CACNG2: variants seen among roughly 807,000 people sequenced by gnomAD.
CACNG2 encodes the protein calcium voltage-gated channel auxiliary subunit gamma 2, also known as voltage-dependent calcium channel gamma-2 subunit.
In CACNG2, 3 loss-of-function variants were observed where a neutral mutation model predicts 25.9. The observed-to-expected ratio is 0.12, with a 90% confidence interval of 0.05 to 0.30. The LOEUF (loss-of-function observed/expected upper bound fraction) is 0.30. Among genes scored for constraint, CACNG2 ranks in the 10% least tolerant of loss-of-function variants. The pLI is 1.00. For synonymous variants in CACNG2, 167 were observed against 173.3 expected (o/e 0.96, Z 0.29); for missense variants, 341 against 432.5 (o/e 0.79, Z 1.88).
chr22:36,564,218 GT>G lies in CACNG2; in HGVS notation c.*132del, dbSNP rs1300223468. On this transcript the variant is annotated 3_prime_UTR_variant, in exon 4 of 4. Coordinates refer to ENST00000300105, the MANE Select transcript of CACNG2 (RefSeq NM_006078.5). This position sits in a 1 kb window ranked among gnomAD's most constrained non-coding sequence, Gnocchi z 6.7. ...GTGTGTGTGTGTTTTTTTGTTTTTTGTTTTTTTGTTTTTTTTGTTTTTTGTT... is the reference window on the plus strand; with the variant it reads ...GTGTGTGTGTGTTTTTTTGTTTTTTGTTTTTTGTTTTTTTTGTTTTTTGTT... 5.5e-6 allele frequency: 4 copies of G among 731,872 alleles called. No homozygotes were observed. Among genetic ancestry groups the G allele is most frequent in the Admixed American group, 3.7e-5 (1 of 27,374 alleles). The allele number at this position is 731,872 out of a possible 1,614,324, so 45.3% of individuals were successfully genotyped here.
chr22:36,605,153 C>A (rs1935812098), intron 1 of CACNG2, among the ~76,000 whole-genome samples: 1 of 152,080 alleles, frequency 6.6e-6, no homozygotes, highest in African/African-American at 2.4e-5. Context: ...CAGCTCACTG[C>A]AACCTCTGTC....
At chr22:36,698,723 CA>C (rs1352460716) in intron 1 of CACNG2, among the ~76,000 whole-genome samples, 1 of 152,106 alleles carries the variant, frequency 6.6e-6, no homozygotes, top group Non-Finnish European at 1.5e-5. Flanking sequence ...ACAGCCTGGA[CA>C]GAGAGTAAGA....
At chr22:36,631,583 A>G (rs8135364) in intron 1 of CACNG2, among the ~76,000 whole-genome samples, 3,805 of 152,214 alleles carry the variant, frequency 0.025, 147 homozygotes, top group African/African-American at 0.085. Flanking sequence ...CTGAGAAAGT[A>G]TCTTCCTTGT....
intron 3 of CACNG2, among the ~76,000 whole-genome samples, chr22:36,565,631 C>G (rs1178794244): frequency 6.6e-6 from 1 of 152,092 alleles, no homozygotes; most frequent in Non-Finnish European, 1.5e-5. Context: ...TATGCGTCAC[C>G]ATGCCCAGCT....
intron 1 of CACNG2, among the ~76,000 whole-genome samples, chr22:36,589,456 C>T (rs1935554143): frequency 6.6e-6 from 1 of 152,168 alleles, no homozygotes; most frequent in Non-Finnish European, 1.5e-5. Context: ...TACTTACGTA[C>T]TACGTAGGAA....
chr22:36,663,865 CTG>C (rs1936835828), intron 1 of CACNG2, among the ~76,000 whole-genome samples: 4 of 152,282 alleles, frequency 2.6e-5, no homozygotes, highest in African/African-American at 9.6e-5. Context: ...TCACATGGGC[CTG>C]TTTCTAACCA....
intron 3 of CACNG2, among the ~76,000 whole-genome samples, chr22:36,565,483 CTT>C (rs879526769): frequency 4.9e-5 from 7 of 141,774 alleles, no homozygotes; most frequent in African/African-American, 5.2e-5. Flanking sequence ...TTGGTGGTTC[CTT>C]TTTTTTTTTT....
Position 36,566,347 on chromosome 22 carries a change from T to C in CACNG2, c.436+6A>G, listed in dbSNP as rs774667436. 9 of 1,613,898 alleles carry C rather than the reference T, an allele frequency of 5.6e-6. No homozygotes were observed. The Admixed American group carries it at 1.2e-4, about 21-fold the overall frequency. On this transcript the variant is annotated splice_donor_region_variant and intron_variant, in intron 3 of 3. Coordinates refer to ENST00000300105, the MANE Select transcript of CACNG2 (RefSeq NM_006078.5). ...CCAGTGGCAGGACTGGATCAGTGGC[T>C]GTTACCTGCAGACACGAAGAAGATG...
At chr22:36,635,283 C>CAAA (rs138390510) in intron 1 of CACNG2, among the ~76,000 whole-genome samples, 1 of 67,620 alleles carries the variant, frequency 1.5e-5, no homozygotes, top group African/African-American at 3.9e-5. Context: ...GACCCCGTCT[C>CAAA]AAAAAAAAAA....
chr22:36,599,630 G>T (rs539820959), intron 1 of CACNG2, among the ~76,000 whole-genome samples: 1 of 152,272 alleles, frequency 6.6e-6, no homozygotes, highest in East Asian at 1.9e-4. Flanking sequence ...AGCCTGGGAG[G>T]TTGAGGCTGC....
intron 1 of CACNG2, among the ~76,000 whole-genome samples, chr22:36,679,207 T>TTTCTTTCTTTCTTTCC (rs1937061716): frequency 6.8e-6 from 1 of 146,138 alleles, no homozygotes; most frequent in Admixed American, 6.7e-5. Context: ...CCTTTCTTTC[T>TTTCTTTCTTTCTTTCC]TTCTTTCTTT....
At chr22:36,619,940 G>A (rs531427450) in intron 1 of CACNG2, among the ~76,000 whole-genome samples, 14 of 152,232 alleles carry the variant, frequency 9.2e-5, no homozygotes, top group Non-Finnish European at 1.5e-4. Context: ...TGGGGTCATC[G>A]CTTTGTGTAA....
Position 36,628,729 on chromosome 22 carries a change from T to A in CACNG2, c.212-41181A>T, listed in dbSNP as rs183484974. ...GTTTGGGTTCACTGGCAGGAAAGTG[T>A]GAATCCTGCTGTTCCTTCTAGGTGG... On this transcript the variant is annotated intron_variant, in intron 1 of 3. Coordinates refer to ENST00000300105, the MANE Select transcript of CACNG2 (RefSeq NM_006078.5). Among the ~76,000 whole-genome samples the A allele has an allele frequency of 5.9e-5, 9 of 152,288 alleles. 1 individual carries two copies. Among genetic ancestry groups the A allele is most frequent in the Admixed American group, 2.0e-4 (3 of 15,298 alleles).
intron 1 of CACNG2, among the ~76,000 whole-genome samples, chr22:36,588,113 G>A (rs1935533351): frequency 6.6e-6 from 1 of 152,176 alleles, no homozygotes; most frequent in South Asian, 2.1e-4. Context: ...AGGAAGTTGA[G>A]CCCCCTGGGG....
At chr22:36,601,488 CTTTTTTA>C (rs1167538072) in intron 1 of CACNG2, among the ~76,000 whole-genome samples, 1 of 151,732 alleles carries the variant, frequency 6.6e-6, no homozygotes, top group Non-Finnish European at 1.5e-5. Context: ...GTGTAGATAC[CTTTTTTA>C]TTTTTTATTT....
rs572299096 is a variant in CACNG2, at chr22:36,653,527, C to T, written c.211+48839G>A. ...TGTGCCTCAGTTGCCACATGGAATG[C>T]TTCCTCCGTCAGGCACCTGCCTGGC... On this transcript the variant is annotated intron_variant, in intron 1 of 3. Coordinates refer to ENST00000300105, the MANE Select transcript of CACNG2 (RefSeq NM_006078.5). 4.0e-3 allele frequency among the ~76,000 whole-genome samples: 612 copies of T among 152,342 alleles called. 3 individuals carry two copies. The highest frequency in any genetic ancestry group is 6.5e-3 in the Non-Finnish European group (445 of 68,024).
intron 1 of CACNG2, among the ~76,000 whole-genome samples, chr22:36,661,968 T>C (rs1214590142): frequency 1.9e-5 from 1 of 52,136 alleles, no homozygotes; most frequent in South Asian, 5.6e-4. Context: ...TTGCTATTCT[T>C]TTTTTTTTTT....
intron 1 of CACNG2, among the ~76,000 whole-genome samples, chr22:36,632,175 C>CT (rs201126628): frequency 3.0e-4 from 45 of 151,076 alleles, no homozygotes; most frequent in South Asian, 8.4e-4. Flanking sequence ...TATTTTCTGA[C>CT]TTTTTTTTTT....
At chr22:36,649,484 G>C (rs543565547) in intron 1 of CACNG2, among the ~76,000 whole-genome samples, 172 of 152,228 alleles carry the variant, frequency 1.1e-3, no homozygotes, top group African/African-American at 3.8e-3. Context: ...AGTAGATATA[G>C]GGTTTCACCA....
Sources: allele counts gnomAD v4.1 joint callset (sites outside exome capture counted in the v4.1 genomes callset), GRCh38; gene constraint gnomAD v4.1.1; non-coding constraint Gnocchi (gnomAD v3.1); transcripts MANE v1.5; gene names NCBI Gene and HGNC (gene_info 2026-07-23, HGNC 2026-07-21).